ATP8B3: variants seen among roughly 807,000 people sequenced by gnomAD.
The protein encoded by ATP8B3 is ATPase phospholipid transporting 8B3.
Under a neutral mutation model 140.9 loss-of-function variants are expected in ATP8B3, and 141 were observed. The ratio of observed to expected loss-of-function variants is 1.00; its 90% CI spans 0.87 to 1.15. The LOEUF (loss-of-function observed/expected upper bound fraction) is 1.15. Ranked by LOEUF, ATP8B3 falls within the 50% of genes most tolerant of loss-of-function variation. ATP8B3 has a pLI of 0.00. For missense variants in ATP8B3, 1,874 were observed against 1,740.6 expected (o/e 1.08, Z -1.36); for synonymous variants, 765 against 714.6 (o/e 1.07, Z -1.13).
In ATP8B3 at chr19:1,796,269, G is replaced by C; in HGVS notation, c.1754-4C>G. The C allele has an allele frequency of 6.2e-7, 1 of 1,603,702 alleles. No homozygotes were observed. The highest frequency in any genetic ancestry group is 1.7e-5 in the Admixed American group (1 of 58,664). On this transcript the variant is annotated splice_polypyrimidine_tract_variant and splice_region_variant and intron_variant, in intron 16 of 28. Coordinates refer to ENST00000310127, the MANE Select transcript of ATP8B3 (RefSeq NM_138813.4). Reference sequence around the variant, plus strand: ...GCCGCCTGGTACAACAGCTGGTCTGGTAGGGAGGGGGGCCATTTTGGGGTC... The same window carrying C: ...GCCGCCTGGTACAACAGCTGGTCTGCTAGGGAGGGGGGCCATTTTGGGGTC...
chr19:1,785,405 C>G (rs1164311901), intron 26 of ATP8B3, 64 bp downstream of exon 26: 7 of 1,577,650 alleles, frequency 4.4e-6, no homozygotes, highest in Non-Finnish European at 6.0e-6. Context: ...AAGCAGGGGT[C>G]CCCAGGGGAG....
chr19:1,785,073 A>T, intron 27 of ATP8B3, 86 bp downstream of exon 27: 1 of 1,482,104 alleles, frequency 6.7e-7, no homozygotes, highest in Non-Finnish European at 9.0e-7. Flanking sequence ...ACTTTGCCGG[A>T]CGACTGTCAT....
At position 1,805,331 on chromosome 19, in the gene ATP8B3, T is replaced by C. The variant is rs1345082996; in HGVS notation, c.904+43A>G. 6.6e-7 allele frequency: 1 copy of C among 1,505,242 alleles called. No homozygotes were observed. The highest frequency in any genetic ancestry group is 9.1e-7 in the Non-Finnish European group (1 of 1,104,262). The allele number at this position is 1,505,242 out of a possible 1,614,324, so 93.2% of individuals were successfully genotyped here. On this transcript the variant is annotated intron_variant, in intron 10 of 28. Transcript: ENST00000310127. The surrounding 1 kb of genome is among the most constrained non-coding windows in gnomAD (Gnocchi z 5.2). Reference sequence around the variant, plus strand: ...AACAAAATACCCTAACTTTTAACTTTTACAGATTCGAGGGACGTGACTCCC... The same window carrying C: ...AACAAAATACCCTAACTTTTAACTTCTACAGATTCGAGGGACGTGACTCCC...
At chr19:1,801,899 TC>T (rs911895092) in intron 12 of ATP8B3, 56 bp downstream of exon 12, 2 of 1,346,966 alleles carry the variant, frequency 1.5e-6, no homozygotes, top group African/African-American at 2.9e-5. Context: ...GAAGATGACA[TC>T]CCTGACCCTG....
intron 28 of ATP8B3, among the ~76,000 whole-genome samples, chr19:1,783,647 C>T (rs1287851905): frequency 1.3e-5 from 2 of 152,216 alleles, no homozygotes; most frequent in Non-Finnish European, 2.9e-5. Context: ...CTTGGCTGCC[C>T]TTTGGTGGCA....
rs757157304 is a variant in ATP8B3 at position 1,809,716 on chromosome 19, T to C, written c.329A>G (p.Gln110Arg). ...DRNSAFTWKV[Q>R]ANNRAYNGQF... ...CCCGTTGTAGGCACGGTTGTTGGCC[T>C]GGACCTTCCAGGTGAATGCTGCAGC... The change falls in exon 4 of 29, where the codon CAG becomes CGG. Residue 110 changes from glutamine to arginine, a missense_variant. Gln to Arg is a conservative substitution (Grantham distance 43). Around this residue, in one of 3 missense-constraint regions of ATP8B3, gnomAD observed 1,032 missense variants for 963.6 expected, o/e 1.07. Transcript: ENST00000310127. 6.2e-7 allele frequency: 1 copy of C among 1,609,708 alleles called. No homozygotes were observed. The highest frequency in any genetic ancestry group is 8.5e-7 in the Non-Finnish European group (1 of 1,178,346).
rs375729344 is a variant in ATP8B3, at chr19:1,796,091, C to T, written c.1928G>A (p.Arg643Gln). The change falls in exon 17 of 29, where the codon CGG (arginine) becomes CAG (glutamine). Residue 643 changes from arginine to glutamine, a missense_variant. Physicochemically the swap from Arg to Gln is conservative, Grantham distance 43. Transcript: ENST00000310127. ...AIMDFNSTRKRMSVLVRKPEG... is the reference protein window; with the variant it reads ...AIMDFNSTRKQMSVLVRKPEG... The stretch of plus-strand genomic sequence containing the variant: ...GCGGGGCTCACCCAGCACCGACATC[C>T]GTTTGCGCGTGCTGTTGAAGTCCAT... The T allele has an allele frequency of 4.0e-5, 65 of 1,612,782 alleles. No homozygotes were observed. The highest frequency in any genetic ancestry group is 1.6e-4 in the Middle Eastern group (1 of 6,084).
intron 4 of ATP8B3, 96 bp downstream of exon 4, chr19:1,809,547 A>G: frequency 1.0e-6 from 1 of 1,000,956 alleles, no homozygotes; most frequent in Non-Finnish European, 1.5e-6. Flanking sequence ...GAGCAAATAC[A>G]AGCAGAGGCA....
chr19:1,795,473 C>G (rs1458764752), intron 18 of ATP8B3, among the ~76,000 whole-genome samples: 19 of 152,120 alleles, frequency 1.2e-4, no homozygotes, highest in Non-Finnish European at 2.5e-4. Flanking sequence ...ATCACTTGAA[C>G]CCGGGAGGCG....
chr19:1,799,076 G>A (rs1363083196), intron 14 of ATP8B3: 3 of 151,938 alleles, frequency 2.0e-5, no homozygotes, highest in Non-Finnish European at 2.9e-5. Flanking sequence ...CCAGGAATTC[G>A]AGGCTGCAAT....
At chr19:1,799,451 C>A in intron 14 of ATP8B3, 1 of 190,178 alleles carries the variant, frequency 5.3e-6, no homozygotes, top group East Asian at 1.3e-4. Context: ...GAGAGCAAAA[C>A]TCCGTCTCAG....
rs781002930 is a variant in ATP8B3, at chr19:1,791,749, C to T, written c.2302+1G>A. On this transcript the variant is annotated splice_donor_variant, in intron 20 of 28. Coordinates refer to ENST00000310127, the MANE Select transcript of ATP8B3 (RefSeq NM_138813.4). LOFTEE classifies it high-confidence loss of function. ...GCCACCCGGAGCTGCCCGGGACTCA[C>T]CCTGCTTGTCCCCGGTGAGCACCCA... 1 of 1,610,202 alleles carries T rather than the reference C, an allele frequency of 6.2e-7. No individual in the cohort carries two copies.
chr19:1,790,958 T>G, intron 20 of ATP8B3, 126 bp from the exon 21 acceptor site: 8 of 749,194 alleles, frequency 1.1e-5, no homozygotes, highest in Non-Finnish European at 1.7e-5. Flanking sequence ...CCCCTGGCCA[T>G]GGTGATTGGT....
In ATP8B3 at chr19:1,796,804, G is replaced by C. The variant is rs201814416; in HGVS notation, c.1660C>G (p.Arg554Gly). 2 of 1,612,498 alleles carry C rather than the reference G, an allele frequency of 1.2e-6. No individual in the cohort carries two copies. Among genetic ancestry groups the C allele is most frequent in the East Asian group, 4.5e-5 (2 of 44,870 alleles). ...CGCACGGCCTCGTCCCCGTTGGTCC[G>C]CACGAGGTGCAGCAGGGCCGCATTG... ...FHNAALLHLV[R>G]TNGDEAVREF... Residue 554 changes from arginine to glycine, a missense_variant, in exon 16 of 29, where the codon CGG becomes GGG. By Grantham distance (125) the Arg-to-Gly change is moderately radical (BLOSUM62 -2). Around this residue, in one of 3 missense-constraint regions of ATP8B3, gnomAD observed 1,032 missense variants for 963.6 expected, o/e 1.07. Coordinates refer to ENST00000310127, the MANE Select transcript of ATP8B3 (RefSeq NM_138813.4).
chr19:1,791,894 G>T, intron 19 of ATP8B3, 33 bp from the exon 20 acceptor site: 11 of 1,607,974 alleles, frequency 6.8e-6, no homozygotes, highest in Non-Finnish European at 9.3e-6. Flanking sequence ...CGGGGAAGAT[G>T]CTGAGCAGCC....
In ATP8B3 at chr19:1,805,508, G is replaced by A; in HGVS notation, c.822-52C>T. The stretch of plus-strand genomic sequence containing the variant: ...AAAGTGGAGTTGATGGATGCTTCGA[G>A]GAGCCCCCAGACCCCTTCTGGAGTC... On this transcript the variant is annotated intron_variant, in intron 9 of 28. Transcript: ENST00000310127. This position sits in a 1 kb window ranked among gnomAD's most constrained non-coding sequence, Gnocchi z 5.2. 1 of 1,429,272 alleles carries A rather than the reference G, an allele frequency of 7.0e-7. No individual in the cohort carries two copies. The allele number at this position is 1,429,272 out of a possible 1,614,324, so 88.5% of individuals were successfully genotyped here.
At chr19:1,793,728 GTTTA>G (rs555920290) in intron 18 of ATP8B3, among the ~76,000 whole-genome samples, 4 of 152,222 alleles carry the variant, frequency 2.6e-5, no homozygotes, top group Non-Finnish European at 2.9e-5. Flanking sequence ...TCTCAAATTT[GTTTA>G]TTTATTTATT....
At position 1,793,814 on chromosome 19, in the gene ATP8B3, C is replaced by T. The variant is rs564856088; in HGVS notation, c.2056-1679G>A. On this transcript the variant is annotated intron_variant, in intron 18 of 28. Coordinates refer to ENST00000310127, the MANE Select transcript of ATP8B3 (RefSeq NM_138813.4). ...CTGGAGTGTAGTGGCGCGATCTTGGCTCACTGCAAGCTCTGCCTCCCGGGT... is the reference window on the plus strand; with the variant it reads ...CTGGAGTGTAGTGGCGCGATCTTGGTTCACTGCAAGCTCTGCCTCCCGGGT... 2.6e-5 allele frequency among the ~76,000 whole-genome samples: 4 copies of T among 152,256 alleles called. No individual in the cohort carries two copies. In the South Asian group the frequency reaches 8.3e-4, roughly 32 times the overall value.
rs924902839 is a variant in ATP8B3 at position 1,800,693 on chromosome 19, C to T, written c.1153-244G>A. Among the ~76,000 whole-genome samples the T allele has an allele frequency of 8.5e-5, 13 of 152,214 alleles. No homozygotes were observed. The highest frequency in any genetic ancestry group is 7.7e-4 in the East Asian group (4 of 5,178). On this transcript the variant is annotated intron_variant, in intron 12 of 28. Coordinates refer to ENST00000310127, the MANE Select transcript of ATP8B3 (RefSeq NM_138813.4). The surrounding 1 kb of genome is among the most constrained non-coding windows in gnomAD (Gnocchi z 4.4). ...AAAATAAATTAGTCAGGCATGGTGG[C>T]GCACACCTGTAGTCTCAGCTGCTCA...
Sources: gnomAD v4.1 joint callset for allele counts (sites outside exome capture counted in the v4.1 genomes callset) on GRCh38, gnomAD v4.1.1 for gene constraint, gnomAD v4.1.1 regional missense constraint, Gnocchi (gnomAD v3.1) non-coding constraint, MANE v1.5 for transcripts, NCBI Gene and HGNC (gene_info 2026-07-23, HGNC 2026-07-21) for gene names.